ADAMTSL1: variants seen among roughly 807,000 people sequenced by gnomAD.
ADAMTSL1 encodes ADAMTS like 1.
In ADAMTSL1, 126 loss-of-function variants were observed where a neutral mutation model predicts 201.8. The observed-to-expected ratio is 0.62, with a 90% confidence interval of 0.54 to 0.72. ADAMTSL1 has a LOEUF of 0.72. Among genes scored for constraint, ADAMTSL1 ranks in the 30% least tolerant of loss-of-function variants. The pLI, the probability that ADAMTSL1 is intolerant of heterozygous loss-of-function variation, is 0.00. For synonymous variants in ADAMTSL1, 1,121 were observed against 903.4 expected, an observed-to-expected ratio of 1.24 and a Z score of -4.32; for missense variants, 2,679 against 2,277.8, an observed-to-expected ratio of 1.18 and a Z score of -3.59.
At chr9:18,646,719 C>A (rs1026225531) in intron 7 of ADAMTSL1, among the ~76,000 whole-genome samples, 1 of 152,146 alleles carries the variant, frequency 6.6e-6, no homozygotes, top group Non-Finnish European at 1.5e-5. Context: ...TTGAACCAGC[C>A]TTGCATCCCA....
chr9:18,762,569 T>C (rs981783631), intron 16 of ADAMTSL1, among the ~76,000 whole-genome samples: 1 of 152,162 alleles, frequency 6.6e-6, no homozygotes, highest in African/African-American at 2.4e-5. Flanking sequence ...GTCACCCTAT[T>C]GTGCTATCAA....
intron 2 of ADAMTSL1, among the ~76,000 whole-genome samples, chr9:18,210,815 C>T (rs1322462270): frequency 1.3e-5 from 2 of 151,262 alleles, no homozygotes; most frequent in Non-Finnish European, 2.9e-5. Context: ...ATGCTCTTTT[C>T]TTTAAATAGT....
intron 1 of ADAMTSL1, among the ~76,000 whole-genome samples, chr9:18,144,214 T>A (rs1681188118): frequency 6.6e-6 from 1 of 152,000 alleles, no homozygotes; most frequent in Non-Finnish European, 1.5e-5. Context: ...TTTCTTTCTT[T>A]CTTTCTTTTT....
Position 18,889,750 on chromosome 9 carries a change from T to G in ADAMTSL1, c.4643+2T>G. On this transcript the variant is annotated splice_donor_variant, in intron 25 of 28. Coordinates refer to ENST00000380548, the MANE Select transcript of ADAMTSL1 (RefSeq NM_001040272.6). LOFTEE classifies it high-confidence loss of function. ...CAACCGGAGAGACTGCCCTTCTCGG[T>G]GAGTGCAGCGGACACTGGCTCAGAC... 1 of 1,498,878 alleles carries G rather than the reference T, an allele frequency of 6.7e-7. No individual in the cohort carries two copies. The highest frequency in any genetic ancestry group is 8.9e-7 in the Non-Finnish European group (1 of 1,126,154). 92.8% of individuals were successfully genotyped at this position (1,498,878 alleles called of 1,614,324 possible).
chr9:18,233,160 C>A (rs184641307), intron 2 of ADAMTSL1, among the ~76,000 whole-genome samples: 1 of 152,126 alleles, frequency 6.6e-6, no homozygotes, highest in Non-Finnish European at 1.5e-5. Flanking sequence ...CCTTAGATTG[C>A]GGCACACACA....
chr9:18,736,855 C>T (rs1334016440), intron 15 of ADAMTSL1, among the ~76,000 whole-genome samples: 1 of 152,240 alleles, frequency 6.6e-6, no homozygotes, highest in Non-Finnish European at 1.5e-5. Flanking sequence ...CCTACCCCAA[C>T]ATTTATGCCA....
At chr9:18,901,743 TTACAGGG>T (rs1830030426) in intron 26 of ADAMTSL1, among the ~76,000 whole-genome samples, 1 of 152,000 alleles carries the variant, frequency 6.6e-6, no homozygotes, top group East Asian at 1.9e-4. Flanking sequence ...GTGGAGGGAA[TTACAGGG>T]GAAAGCTATA....
intron 4 of ADAMTSL1, among the ~76,000 whole-genome samples, chr9:18,578,366 C>G (rs1418032423): frequency 6.6e-6 from 1 of 152,150 alleles, no homozygotes; most frequent in Admixed American, 6.5e-5. Context: ...ATTGTGTTAT[C>G]CCTCTTCACC....
intron 1 of ADAMTSL1, among the ~76,000 whole-genome samples, chr9:17,926,501 C>T (rs1476377206): frequency 6.6e-6 from 1 of 152,096 alleles, no homozygotes; most frequent in African/African-American, 2.4e-5. Flanking sequence ...TCCATAGCCA[C>T]CCAGGAAGGA....
intron 2 of ADAMTSL1, among the ~76,000 whole-genome samples, chr9:18,402,110 T>C (rs1165988759): frequency 1.3e-5 from 2 of 152,206 alleles, no homozygotes; most frequent in African/African-American, 2.4e-5. Context: ...GATCTTCCTA[T>C]ATCTGAGTTT....
At chr9:18,570,287 C>T (rs1822215623) in intron 3 of ADAMTSL1, among the ~76,000 whole-genome samples, 1 of 151,324 alleles carries the variant, frequency 6.6e-6, no homozygotes, top group South Asian at 2.1e-4. Flanking sequence ...GTTTCATGGA[C>T]CAATTTATAA....
chr9:18,630,695 C>G (rs1467782859), intron 5 of ADAMTSL1, among the ~76,000 whole-genome samples: 1 of 152,096 alleles, frequency 6.6e-6, no homozygotes, highest in Non-Finnish European at 1.5e-5. Context: ...ATCTTAAAAA[C>G]CATGGTTTCA....
At chr9:18,821,786 C>T (rs1437249281) in intron 21 of ADAMTSL1, among the ~76,000 whole-genome samples, 2 of 152,158 alleles carry the variant, frequency 1.3e-5, no homozygotes, top group African/African-American at 4.8e-5. Flanking sequence ...TAAAGGTGCA[C>T]CTTTGAGTGG....
intron 2 of ADAMTSL1, among the ~76,000 whole-genome samples, chr9:18,438,581 CCGCACTGCCCTCTTGCATT>C: frequency 6.6e-6 from 1 of 152,190 alleles, no homozygotes; most frequent in Non-Finnish European, 1.5e-5. Flanking sequence ...GTGTCCCTTC[CCGCACTGCCCTCTTGCATT>C]CGCTTTCTTC....
intron 2 of ADAMTSL1, among the ~76,000 whole-genome samples, chr9:18,302,579 G>A (rs1481368672): frequency 1.3e-5 from 2 of 152,140 alleles, no homozygotes; most frequent in African/African-American, 2.4e-5. Flanking sequence ...ACAGTGCTAG[G>A]TATAGAGTGA....
chr9:18,655,806 T>TAAAAAAAAAAA lies in ADAMTSL1; in HGVS notation c.835-1812_835-1802dup, dbSNP rs56662538. Among the ~76,000 whole-genome samples, 361 of 81,840 alleles carry TAAAAAAAAAAA rather than the reference T, an allele frequency of 4.4e-3. 35 individuals carry two copies. Among genetic ancestry groups the TAAAAAAAAAAA allele is most frequent in the African/African-American group, 0.021 (318 of 15,100 alleles). The allele number at this position is 81,840 out of a possible 152,430, so 53.7% of individuals were successfully genotyped here. On this transcript the variant is annotated intron_variant, in intron 7 of 28. Coordinates refer to ENST00000380548, the MANE Select transcript of ADAMTSL1 (RefSeq NM_001040272.6). ...AGAGAGCTAGAGGCTTTTGTGAGCT[T>TAAAAAAAAAAA]AAAAAAAAAAAAAAAAAAAAAAAAA...
At chr9:18,714,147 C>T (rs1316473977) in intron 14 of ADAMTSL1, among the ~76,000 whole-genome samples, 10 of 152,174 alleles carry the variant, frequency 6.6e-5, no homozygotes, top group African/African-American at 2.2e-4. Context: ...AGAGAAAGCA[C>T]AAAAGATCCA....
chr9:18,065,967 C>T (rs989774322), intron 1 of ADAMTSL1, among the ~76,000 whole-genome samples: 2 of 99,900 alleles, frequency 2.0e-5, no homozygotes, highest in Non-Finnish European at 3.6e-5. Context: ...CAGCTTGGGA[C>T]AGAGCGAGAC....
At chr9:18,328,421 T>G (rs1834909578) in intron 2 of ADAMTSL1, among the ~76,000 whole-genome samples, 1 of 152,232 alleles carries the variant, frequency 6.6e-6, no homozygotes, top group Admixed American at 6.5e-5. Context: ...ATTAAGCTCT[T>G]ACTGCATACC....
Sources: allele counts gnomAD v4.1 joint callset (sites outside exome capture counted in the v4.1 genomes callset), GRCh38; gene constraint gnomAD v4.1.1; transcripts MANE v1.5; gene names NCBI Gene and HGNC (gene_info 2026-07-23, HGNC 2026-07-21).